NLGN4X: variants seen among roughly 807,000 people sequenced by gnomAD.
NLGN4X encodes neuroligin-4, X-linked.
NLGN4X carries 3 observed loss-of-function variants against 40.3 expected under a neutral mutation model. That is an observed-to-expected ratio of 0.07 (90% CI 0.03 to 0.19). The LOEUF is 0.19. NLGN4X is among the 10% of genes least tolerant of loss of function. The pLI, the probability that NLGN4X is intolerant of heterozygous loss-of-function variation, is 1.00. For missense variants in NLGN4X, 382 were observed against 708.3 expected (o/e 0.54, Z 5.23); for synonymous variants, 270 against 306.8 (o/e 0.88, Z 1.25).
intron 3 of NLGN4X, among the ~76,000 whole-genome samples, chrX:5,936,263 C>T (rs2033726637): frequency 9.0e-6 from 1 of 111,296 alleles, no homozygotes; most frequent in Non-Finnish European, 1.9e-5. Context: ...TGATTACTAA[C>T]CTTAAAATTT....
chrX:5,947,101 T>A (rs999426265), intron 3 of NLGN4X, among the ~76,000 whole-genome samples: 2 of 112,159 alleles, frequency 1.8e-5, no homozygotes, highest in African/African-American at 6.5e-5. Flanking sequence ...TTAAGTTGAC[T>A]CTGTGTCTTT....
At chrX:6,065,903 A>G (rs192567451) in intron 2 of NLGN4X, among the ~76,000 whole-genome samples, 47 of 112,088 alleles carry the variant, frequency 4.2e-4, no homozygotes, top group African/African-American at 1.4e-3. Context: ...CGAGAAATGC[A>G]TGTCAAATAT....
At chrX:6,076,731 C>G (rs2038206860) in intron 2 of NLGN4X, among the ~76,000 whole-genome samples, 1 of 112,340 alleles carries the variant, frequency 8.9e-6, no homozygotes, top group Non-Finnish European at 1.9e-5. Flanking sequence ...ATGAATACAT[C>G]TGGCATGCTC....
intron 2 of NLGN4X, among the ~76,000 whole-genome samples, chrX:6,082,946 GCGTTTTTTTC>G (rs1389692885): frequency 4.6e-4 from 32 of 69,478 alleles, no homozygotes; most frequent in East Asian, 7.4e-4. Flanking sequence ...TTGCCATGAT[GCGTTTTTTTC>G]TTTTTTTTTT....
At chrX:6,141,388 C>T (rs1306310993) in intron 2 of NLGN4X, among the ~76,000 whole-genome samples, 1 of 111,800 alleles carries the variant, frequency 8.9e-6, no homozygotes, top group East Asian at 2.8e-4. Context: ...TCTTAATATG[C>T]ACTAATCTTA....
intron 2 of NLGN4X, among the ~76,000 whole-genome samples, chrX:6,081,983 C>A (rs2038360539): frequency 8.9e-6 from 1 of 112,319 alleles, no homozygotes; most frequent in South Asian, 3.7e-4. Context: ...GATGCATAAA[C>A]ACTTAGACCA....
intron 2 of NLGN4X, among the ~76,000 whole-genome samples, chrX:6,100,486 G>C (rs2038882167): frequency 8.9e-6 from 1 of 112,444 alleles, no homozygotes; most frequent in Non-Finnish European, 1.9e-5. Flanking sequence ...ACTCAATCAA[G>C]TCTTATGTGG....
intron 2 of NLGN4X, among the ~76,000 whole-genome samples, chrX:6,095,908 T>C (rs922446590): frequency 8.9e-6 from 1 of 112,161 alleles, no homozygotes; most frequent in Admixed American, 9.4e-5. Context: ...CCAGGATGCA[T>C]GCATCACCTG....
intron 2 of NLGN4X, among the ~76,000 whole-genome samples, chrX:6,040,643 C>T (rs1350803850): frequency 8.9e-6 from 1 of 111,894 alleles, no homozygotes; most frequent in African/African-American, 3.2e-5. Flanking sequence ...CCTTAGAGAA[C>T]AGTTCCATTT....
At position 6,027,124 on chromosome X, in the gene NLGN4X, C is replaced by T. The variant is rs762464077; in HGVS notation, c.625+2156G>A. 5.4e-5 allele frequency among the ~76,000 whole-genome samples: 6 copies of T among 112,102 alleles called. No homozygotes were observed. The South Asian group carries it at 1.1e-3, about 21-fold the overall frequency. On this transcript the variant is annotated intron_variant, in intron 3 of 5. Coordinates refer to ENST00000381095, the MANE Select transcript of NLGN4X (RefSeq NM_181332.3). Reference sequence around the variant, plus strand: ...ATGCCCAAGCTTTCTTCCGTGTGGCCGTGCTACAGGCAGTGCACACACTGC... The same window carrying T: ...ATGCCCAAGCTTTCTTCCGTGTGGCTGTGCTACAGGCAGTGCACACACTGC...
At chrX:6,199,121 T>C (rs963683246) in intron 1 of NLGN4X, among the ~76,000 whole-genome samples, 3 of 111,926 alleles carry the variant, frequency 2.7e-5, no homozygotes, top group African/African-American at 9.7e-5. Context: ...GGTTTTAGTG[T>C]AGTCATTCTG....
intron 1 of NLGN4X, among the ~76,000 whole-genome samples, chrX:6,199,631 T>C (rs1569295459): frequency 9.0e-6 from 1 of 111,640 alleles, no homozygotes; most frequent in Non-Finnish European, 1.9e-5. Context: ...AGAATGTAAA[T>C]GATTAAACCT....
chrX:5,939,891 G>A (rs529470603), intron 3 of NLGN4X, among the ~76,000 whole-genome samples: 10 of 111,726 alleles, frequency 9.0e-5, no homozygotes, highest in East Asian at 5.7e-4. Context: ...TTCTTTCTGC[G>A]TAGATGTTAA....
chrX:6,002,158 T>C (rs1206465552), intron 3 of NLGN4X, among the ~76,000 whole-genome samples: 1 of 111,771 alleles, frequency 8.9e-6, no homozygotes. Flanking sequence ...GCATGTTGTT[T>C]GTGCATGAGA....
chrX:6,021,271 C>A (rs1412198052), intron 3 of NLGN4X, among the ~76,000 whole-genome samples: 2 of 108,498 alleles, frequency 1.8e-5, no homozygotes, highest in Non-Finnish European at 3.8e-5. Context: ...CCAATAAATA[C>A]CGTTCCATCT....
rs1460475085 is a variant in NLGN4X, at chrX:6,009,412, T to G, written c.625+19868A>C. ...GTGAAAGAGTTCCAGTTTCTCCACA[T>G]CTCCATTACAACTTCTTATTTTACG... On this transcript the variant is annotated intron_variant, in intron 3 of 5. Coordinates refer to ENST00000381095, the MANE Select transcript of NLGN4X (RefSeq NM_181332.3). Among the ~76,000 whole-genome samples the G allele has an allele frequency of 2.7e-5, 3 of 112,103 alleles. No individual in the cohort carries two copies. The East Asian group carries it at 8.5e-4, about 32-fold the overall frequency.
chrX:6,065,523 T>C (rs1012620674), intron 2 of NLGN4X, among the ~76,000 whole-genome samples: 1 of 111,429 alleles, frequency 9.0e-6, no homozygotes, highest in Non-Finnish European at 1.9e-5. Flanking sequence ...CCGAACTGCA[T>C]ATCATGACTG....
intron 3 of NLGN4X, among the ~76,000 whole-genome samples, chrX:6,013,201 C>T (rs936764654): frequency 1.8e-5 from 2 of 111,417 alleles, no homozygotes; most frequent in Non-Finnish European, 3.8e-5. Context: ...AGATCAAATG[C>T]ATGCCACAAA....
chrX:6,205,374 G>A (rs140390168), intron 1 of NLGN4X, among the ~76,000 whole-genome samples: 45 of 112,134 alleles, frequency 4.0e-4, no homozygotes, highest in African/African-American at 1.3e-3. Flanking sequence ...GCCAGTCAAC[G>A]GGCACTCAGT....
Sources: gnomAD v4.1 joint callset for allele counts (sites outside exome capture counted in the v4.1 genomes callset) on GRCh38, gnomAD v4.1.1 for gene constraint, MANE v1.5 for transcripts, NCBI Gene and HGNC (gene_info 2026-07-23, HGNC 2026-07-21) for gene names.